ASIC2: variants seen among roughly 807,000 people sequenced by gnomAD.
ASIC2 encodes acid sensing ion channel subunit 2, also known as acid-sensing ion channel 2.
In ASIC2, 25 loss-of-function variants were observed where a neutral mutation model predicts 57.3. That is an observed-to-expected ratio of 0.44 (90% CI 0.32 to 0.61). The LOEUF (loss-of-function observed/expected upper bound fraction) is 0.61, where lower values mean the gene tolerates loss of function less well. ASIC2 is among the 20% of genes least tolerant of loss of function. ASIC2 has a pLI of 0.06. For missense variants in ASIC2, 641 were observed against 738.1 expected, an observed-to-expected ratio of 0.87 and a Z score of 1.52; for synonymous variants, 319 against 307.5, an observed-to-expected ratio of 1.04 and a Z score of -0.39.
intron 1 of ASIC2, among the ~76,000 whole-genome samples, chr17:33,735,429 A>G (rs1332569899): frequency 6.6e-6 from 1 of 152,092 alleles, no homozygotes; most frequent in Non-Finnish European, 1.5e-5. Context: ...CTGGGTAGTG[A>G]CCAAAGAAAA....
intron 1 of ASIC2, among the ~76,000 whole-genome samples, chr17:33,664,500 T>A (rs1907406184): frequency 6.6e-6 from 1 of 152,178 alleles, no homozygotes; most frequent in African/African-American, 2.4e-5. Context: ...GAAGATAAAA[T>A]GAGAATTCCC....
intron 1 of ASIC2, among the ~76,000 whole-genome samples, chr17:33,371,981 G>A (rs556093833): frequency 6.6e-6 from 1 of 152,158 alleles, no homozygotes; most frequent in East Asian, 1.9e-4. Context: ...GGTGAGCTGG[G>A]GAGGCAGTGA....
Position 33,549,461 on chromosome 17 carries a change from TG to T in ASIC2, c.556-437395del, listed in dbSNP as rs1915680852. On this transcript the variant is annotated intron_variant, in intron 1 of 9. Transcript: ENST00000359872. The stretch of plus-strand genomic sequence containing the variant: ...TCTCTCCTTTTCAAAGCTATAATCA[TG>T]GGGTCATCACTTTAAAAACTCACCT... Among the ~76,000 whole-genome samples, 4 of 152,286 alleles carry T rather than the reference TG, an allele frequency of 2.6e-5. No homozygotes were observed. In the South Asian group the frequency reaches 8.3e-4, roughly 32 times the overall value.
chr17:33,896,952 A>G (rs1030513793), intron 1 of ASIC2, among the ~76,000 whole-genome samples: 2 of 152,220 alleles, frequency 1.3e-5, no homozygotes, highest in African/African-American at 4.8e-5. Flanking sequence ...TGGCCGAAAA[A>G]TGAACCAGAC....
At chr17:33,309,516 C>G (rs576849125) in intron 1 of ASIC2, among the ~76,000 whole-genome samples, 41 of 152,244 alleles carry the variant, frequency 2.7e-4, no homozygotes, top group African/African-American at 9.4e-4. Context: ...TGAACTTAGT[C>G]TGTCCCAAAC....
intron 1 of ASIC2, among the ~76,000 whole-genome samples, chr17:33,965,328 T>A (rs994956596): frequency 6.6e-6 from 1 of 151,500 alleles, no homozygotes; most frequent in Non-Finnish European, 1.5e-5. Flanking sequence ...TATTCCACTG[T>A]GGATTTTTTT....
intron 1 of ASIC2, among the ~76,000 whole-genome samples, chr17:33,809,584 T>A (rs1408067331): frequency 6.6e-6 from 1 of 152,198 alleles, no homozygotes; most frequent in Non-Finnish European, 1.5e-5. Flanking sequence ...GATACACGTA[T>A]CCTTAGTGCA....
rs1030977521 is a variant in ASIC2 at position 33,279,114 on chromosome 17, T to G, written c.708+12294A>C. On this transcript the variant is annotated intron_variant, in intron 1 of 9. Transcript: ENST00000225823. The stretch of plus-strand genomic sequence containing the variant: ...TTAGAAACAGTATTTTTCTTTTGTC[T>G]TATGCGTTGATTTGTTGTAAGTTAT... 5.9e-5 allele frequency among the ~76,000 whole-genome samples: 9 copies of G among 152,344 alleles called. No homozygotes were observed. The East Asian group carries it at 1.7e-3, about 29-fold the overall frequency.
In ASIC2 at chr17:33,963,167, T is replaced by C. The variant is rs111759943; in HGVS notation, c.555+192811A>G. On this transcript the variant is annotated intron_variant, in intron 1 of 9. Transcript: ENST00000359872. ...AACTGCAGGAGTCAGGCTTCCAACCTGGACTGGTGCCCAGACTCTGCTCCC... is the reference window on the plus strand; with the variant it reads ...AACTGCAGGAGTCAGGCTTCCAACCCGGACTGGTGCCCAGACTCTGCTCCC... 3.5e-3 allele frequency among the ~76,000 whole-genome samples: 527 copies of C among 152,278 alleles called. 4 individuals carry two copies. Among genetic ancestry groups the C allele is most frequent in the African/African-American group, 0.012 (510 of 41,562 alleles).
intron 1 of ASIC2, among the ~76,000 whole-genome samples, chr17:33,761,120 G>C (rs1251446408): frequency 6.6e-6 from 1 of 152,156 alleles, no homozygotes; most frequent in Non-Finnish European, 1.5e-5. Context: ...TGACACTTTA[G>C]CTTTCTTTTT....
chr17:33,068,861 C>T (rs2092055464), intron 3 of ASIC2, among the ~76,000 whole-genome samples: 1 of 152,002 alleles, frequency 6.6e-6, no homozygotes, highest in Admixed American at 6.6e-5. Flanking sequence ...TCATCATTTT[C>T]CTTGCCATGC....
At chr17:33,060,672 A>C (rs951717211) in intron 3 of ASIC2, among the ~76,000 whole-genome samples, 2 of 152,274 alleles carry the variant, frequency 1.3e-5, no homozygotes, top group African/African-American at 4.8e-5. Context: ...ATGAACTTTA[A>C]AGTAGTTTTT....
intron 3 of ASIC2, among the ~76,000 whole-genome samples, chr17:33,049,157 G>GC (rs1357745869): frequency 1.1e-4 from 17 of 152,196 alleles, no homozygotes; most frequent in Admixed American, 1.0e-3. Flanking sequence ...CAGCAGTACG[G>GC]CCCCACAGAT....
intron 1 of ASIC2, among the ~76,000 whole-genome samples, chr17:33,373,353 C>T (rs1302030057): frequency 1.3e-5 from 2 of 152,242 alleles, no homozygotes; most frequent in Non-Finnish European, 2.9e-5. Flanking sequence ...TTGGTCATTC[C>T]TGGGCATAGG....
intron 1 of ASIC2, among the ~76,000 whole-genome samples, chr17:33,244,458 C>CA (rs1177217085): frequency 1.3e-5 from 2 of 152,216 alleles, no homozygotes; most frequent in Non-Finnish European, 2.9e-5. Flanking sequence ...AAATGCTTAG[C>CA]AAAGTGCCTA....
chr17:33,315,068 G>A (rs1415031597), intron 1 of ASIC2, among the ~76,000 whole-genome samples: 1 of 152,148 alleles, frequency 6.6e-6, no homozygotes, highest in Admixed American at 6.5e-5. Context: ...TGTGACCCAA[G>A]GCAAGTCATT....
intron 1 of ASIC2, among the ~76,000 whole-genome samples, chr17:33,874,118 C>T (rs1341236922): frequency 1.3e-5 from 2 of 152,212 alleles, no homozygotes; most frequent in African/African-American, 4.8e-5. Context: ...TTCACCCTTT[C>T]TCCTAGGATT....
chr17:34,078,552 C>T (rs74566333), intron 1 of ASIC2, among the ~76,000 whole-genome samples: 1 of 152,116 alleles, frequency 6.6e-6, no homozygotes, highest in African/African-American at 2.4e-5. Flanking sequence ...AGCTCCCTTC[C>T]CTAGCACCCC....
intron 3 of ASIC2, among the ~76,000 whole-genome samples, chr17:33,060,687 A>G (rs1431931639): frequency 3.3e-5 from 5 of 152,186 alleles, no homozygotes; most frequent in Non-Finnish European, 7.3e-5. Context: ...GTTTTTTCCA[A>G]TTCTGTGAAG....
Sources: gnomAD v4.1 joint callset for allele counts (sites outside exome capture counted in the v4.1 genomes callset) on GRCh38, gnomAD v4.1.1 for gene constraint, MANE v1.5 for transcripts, NCBI Gene and HGNC (gene_info 2026-07-23, HGNC 2026-07-21) for gene names.